The following ZDHHC11 variants were observed in gnomAD, a reference collection of about 807,000 sequenced individuals.
ZDHHC11 encodes palmitoyltransferase ZDHHC11.
ZDHHC11 carries 44 observed loss-of-function variants against 51.3 expected under a neutral mutation model. The observed-to-expected ratio is 0.86, with a 90% CI of 0.67 to 1.10. ZDHHC11 has a LOEUF of 1.10. Among genes scored for constraint, ZDHHC11 ranks in the 50% least tolerant of loss-of-function variants. The pLI is 0.00. For synonymous variants in ZDHHC11, 163 were observed against 222.0 expected (o/e 0.73, Z 2.36); for missense variants, 400 against 537.7 (o/e 0.74, Z 2.53).
upstream of ZDHHC11, among the ~76,000 whole-genome samples, chr5:851,782 G>A (rs953494711): frequency 3.9e-5 from 6 of 152,162 alleles, no homozygotes; most frequent in South Asian, 4.1e-4. Context: ...TTGGCCGGGC[G>A]CGGGGGCTCA....
At chr5:852,870 C>CA, upstream of ZDHHC11, among the ~76,000 whole-genome samples, 1 of 84,768 alleles carries the variant, frequency 1.2e-5, no homozygotes, top group Non-Finnish European at 2.4e-5. Flanking sequence ...CAGCGAGCAG[C>CA]GGGGACAGAC....
chr5:860,287 G>A (rs191124080), upstream of ZDHHC11, among the ~76,000 whole-genome samples: 13 of 152,176 alleles, frequency 8.5e-5, no homozygotes, highest in African/African-American at 3.1e-4. The surrounding 1 kb of genome is among the most constrained non-coding windows in gnomAD (Gnocchi z 4.2). Context: ...TAAGGGTGAC[G>A]GCAGGTCCCC....
At chr5:838,383 G>A (rs900292777) in intron 5 of ZDHHC11, among the ~76,000 whole-genome samples, 8 of 152,128 alleles carry the variant, frequency 5.3e-5, no homozygotes, top group African/African-American at 7.2e-5. Flanking sequence ...CACCAACACC[G>A]TGAGAGCCGA....
chr5:852,368 G>C (rs1420359277), upstream of ZDHHC11, among the ~76,000 whole-genome samples: 1 of 152,198 alleles, frequency 6.6e-6, no homozygotes, highest in Admixed American at 6.5e-5. Flanking sequence ...AGAGAAAAAA[G>C]AAAACACTGA....
In ZDHHC11 at chr5:830,859, A is replaced by C. The variant is rs1421283657; in HGVS notation, c.935+2914T>G. Among the ~76,000 whole-genome samples the C allele has an allele frequency of 9.3e-5, 14 of 151,246 alleles. No individual in the cohort carries two copies. The South Asian group carries it at 1.7e-3, about 18-fold the overall frequency. On this transcript the variant is annotated intron_variant, in intron 7 of 12. Transcript: ENST00000283441. Reference sequence around the variant, plus strand: ...TACTGCCAATCGATCTTCAACAAACAAAAGACATCAAGTGGGGAAAGGACA... The same window carrying C: ...TACTGCCAATCGATCTTCAACAAACCAAAGACATCAAGTGGGGAAAGGACA...
chr5:858,984 T>C (rs1748648209), upstream of ZDHHC11, among the ~76,000 whole-genome samples: 1 of 151,868 alleles, frequency 6.6e-6, no homozygotes, highest in Admixed American at 6.6e-5. Context: ...GAGAAGTGGG[T>C]GGGCTGCCCT....
intron 1 of ZDHHC11, among the ~76,000 whole-genome samples, chr5:849,018 G>A (rs1168612896): frequency 6.6e-6 from 1 of 150,896 alleles, no homozygotes; most frequent in Non-Finnish European, 1.5e-5. Context: ...ATCCAGTCTT[G>A]CACACACGGC....
intron 5 of ZDHHC11, among the ~76,000 whole-genome samples, chr5:838,472 G>A (rs382658): frequency 2.8e-4 from 42 of 152,070 alleles, no homozygotes; most frequent in African/African-American, 8.4e-4. Flanking sequence ...GGCGGTGGGC[G>A]CCCTGGGGAG....
At chr5:812,148 A>C (rs1163576924) in intron 11 of ZDHHC11, among the ~76,000 whole-genome samples, 2 of 148,816 alleles carry the variant, frequency 1.3e-5, no homozygotes, top group African/African-American at 5.1e-5. Context: ...AAACAGAAAA[A>C]TTATAAAAAT....
intron 6 of ZDHHC11, among the ~76,000 whole-genome samples, chr5:836,845 G>A (rs1275824102): frequency 2.7e-5 from 4 of 150,002 alleles, no homozygotes; most frequent in African/African-American, 9.8e-5. Context: ...CGGATCACCT[G>A]AGGCCAGAAG....
At chr5:831,485 A>T (rs1230336972) in intron 7 of ZDHHC11, among the ~76,000 whole-genome samples, 1 of 149,018 alleles carries the variant, frequency 6.7e-6, no homozygotes, top group African/African-American at 2.5e-5. Context: ...TGGGAGCCTG[A>T]TGCAGGATAA....
upstream of ZDHHC11, among the ~76,000 whole-genome samples, chr5:853,576 G>A (rs560141397): frequency 8.2e-5 from 12 of 145,880 alleles, no homozygotes; most frequent in Admixed American, 5.4e-4. Context: ...CAGCAAGCCC[G>A]GGGGACAGAC....
chr5:840,924 A>G (rs1744754189), intron 4 of ZDHHC11: 2 of 1,325,606 alleles, frequency 1.5e-6, no homozygotes, highest in African/African-American at 1.6e-5. Context: ...ACCCCTTCCT[A>G]AGTGCTGGGG....
chr5:806,942 C>G (rs1739347185), intron 11 of ZDHHC11, among the ~76,000 whole-genome samples: 1 of 151,114 alleles, frequency 6.6e-6, no homozygotes, highest in Non-Finnish European at 1.5e-5. Context: ...GTGGCCTTAT[C>G]TCTGAGAGCT....
upstream of ZDHHC11, among the ~76,000 whole-genome samples, chr5:851,246 G>A (rs1023978253): frequency 1.2e-4 from 19 of 152,284 alleles, no homozygotes; most frequent in Admixed American, 9.1e-4. Context: ...AGGGAAGCCC[G>A]TCCAGCCACG....
chr5:823,424 G>A (rs957890493), intron 8 of ZDHHC11: 2 of 151,428 alleles, frequency 1.3e-5, no homozygotes, highest in Admixed American at 6.6e-5. Flanking sequence ...CATTAGAAAT[G>A]TAAAGAAGGG....
chr5:817,523 A>G (rs1191040565), intron 10 of ZDHHC11, among the ~76,000 whole-genome samples: 1 of 151,466 alleles, frequency 6.6e-6, no homozygotes, highest in East Asian at 1.9e-4. Context: ...ATTTGTTTGA[A>G]ACAGACCTTC....
chr5:809,014 C>CACACACACACACACACACACACACACAT (rs1554050773), intron 11 of ZDHHC11, among the ~76,000 whole-genome samples: 1 of 139,120 alleles, frequency 7.2e-6, no homozygotes, highest in East Asian at 2.1e-4. Context: ...CACACACACA[C>CACACACACACACACACACACACACACAT]GCACACTATT....
At chr5:803,571 T>G (rs1368334637) in intron 11 of ZDHHC11, among the ~76,000 whole-genome samples, 5 of 151,154 alleles carry the variant, frequency 3.3e-5, no homozygotes, top group African/African-American at 1.2e-4. Context: ...GAATGTCCAG[T>G]TTTTAACAAA....
Sources: allele counts gnomAD v4.1 joint callset (sites outside exome capture counted in the v4.1 genomes callset), GRCh38; gene constraint gnomAD v4.1.1; non-coding constraint Gnocchi (gnomAD v3.1); transcripts MANE v1.5; gene names NCBI Gene and HGNC (gene_info 2026-07-23, HGNC 2026-07-21).